The following ORC3 variants were observed in gnomAD, a reference collection of about 807,000 sequenced individuals.
ORC3 encodes origin recognition complex subunit 3, also known as homolog of latheo, Drosophila.
ORC3 carries 78 observed loss-of-function variants against 100.7 expected under a neutral mutation model. The ratio of observed to expected loss-of-function variants is 0.77; its 90% CI spans 0.65 to 0.94. ORC3 has a LOEUF of 0.94. ORC3 is among the 40% of genes least tolerant of loss of function. The probability of loss-of-function intolerance (pLI) is 0.00; values close to 1 mark genes in which losing one functional copy is unlikely to be tolerated. For missense variants in ORC3, 789 were observed against 823.9 expected (o/e 0.96, Z 0.52); for synonymous variants, 295 against 289.3 (o/e 1.02, Z -0.20).
Position 87,603,464 on chromosome 6 carries a change from G to T in ORC3, c.258G>T (p.Lys86Asn). 6.5e-7 allele frequency: 1 copy of T among 1,535,412 alleles called. No homozygotes were observed. The highest frequency in any genetic ancestry group is 8.9e-7 in the Non-Finnish European group (1 of 1,124,818). The change falls in exon 4 of 20, where the codon AAG (lysine) becomes AAT (asparagine). Residue 86 changes from lysine (K) to asparagine (N), a missense_variant. Around this residue, in one of 3 missense-constraint regions of ORC3, gnomAD observed 399 missense variants for 382.0 expected, o/e 1.04. Transcript: ENST00000392844. ...FLQKSHSGFQ[K>N]NSRDLGGQIK... Reference sequence around the variant, plus strand: ...AAAAATCACATTCTGGATTCCAGAAGAATTCAAGAGACTTGGGCGGTCAAA... The same window carrying T: ...AAAAATCACATTCTGGATTCCAGAATAATTCAAGAGACTTGGGCGGTCAAA...
At chr6:87,591,593 T>A (rs1776971144) in intron 1 of ORC3, among the ~76,000 whole-genome samples, 1 of 152,260 alleles carries the variant, frequency 6.6e-6, no homozygotes. Context: ...TATTTTTATG[T>A]ATCTTGCAGA....
intron 13 of ORC3, among the ~76,000 whole-genome samples, chr6:87,641,178 A>G (rs1234315400): frequency 1.3e-5 from 2 of 151,956 alleles, no homozygotes; most frequent in African/African-American, 2.4e-5. Context: ...AGAGTACTAC[A>G]CTCTCATACC....
chr6:87,661,943 T>C (rs992299619), intron 16 of ORC3, among the ~76,000 whole-genome samples: 1 of 152,124 alleles, frequency 6.6e-6, no homozygotes, highest in Admixed American at 6.6e-5. Flanking sequence ...AAAGCAAATT[T>C]TTAATGCCAT....
intron 13 of ORC3, among the ~76,000 whole-genome samples, chr6:87,641,629 G>A (rs1259335318): frequency 2.0e-5 from 3 of 152,130 alleles, no homozygotes; most frequent in African/African-American, 7.2e-5. Flanking sequence ...CAAATCGAAG[G>A]TGATTGATAG....
intron 2 of ORC3, among the ~76,000 whole-genome samples, 174 bp from the exon 3 acceptor site, chr6:87,601,610 C>T (rs368411577): frequency 1.4e-3 from 211 of 151,838 alleles, no homozygotes; most frequent in African/African-American, 4.7e-3. Flanking sequence ...AGGCGGAGAT[C>T]GCACTGAGCC....
At chr6:87,609,521 T>A in intron 7 of ORC3, 1 of 220,228 alleles carries the variant, frequency 4.5e-6, no homozygotes, top group Non-Finnish European at 8.8e-6. Context: ...ATTAAATAGA[T>A]AAACTACTCC....
At chr6:87,644,255 G>C (rs1768556542) in intron 13 of ORC3, among the ~76,000 whole-genome samples, 1 of 150,266 alleles carries the variant, frequency 6.7e-6, no homozygotes, top group African/African-American at 2.4e-5. Flanking sequence ...ACTACGCCCG[G>C]CTAATTTTTT....
At chr6:87,611,995 G>A (rs1778805545) in intron 7 of ORC3, 94 bp from the exon 8 acceptor site, 2 of 1,140,592 alleles carry the variant, frequency 1.8e-6, no homozygotes, top group Admixed American at 2.1e-5. Context: ...TATAAAGTAA[G>A]CATTAAAATA....
At chr6:87,634,060 G>C (rs1313116103) in intron 11 of ORC3, among the ~76,000 whole-genome samples, 1 of 151,890 alleles carries the variant, frequency 6.6e-6, no homozygotes, top group African/African-American at 2.4e-5. Context: ...TGCTCACCCA[G>C]GTCTTAAACT....
At chr6:87,600,242 A>G (rs754506907) in intron 2 of ORC3, among the ~76,000 whole-genome samples, 4 of 152,102 alleles carry the variant, frequency 2.6e-5, no homozygotes, top group Non-Finnish European at 4.4e-5. Flanking sequence ...TAACGTGAAC[A>G]CTCCAGTTGT....
chr6:87,600,266 G>C (rs537537222), intron 2 of ORC3, among the ~76,000 whole-genome samples: 1 of 152,050 alleles, frequency 6.6e-6, no homozygotes, highest in Non-Finnish European at 1.5e-5. Flanking sequence ...AATAAAATAC[G>C]TAGCAGTAAA....
At position 87,643,751 on chromosome 6, in the gene ORC3, G is replaced by GACA. The variant is rs1025152255; in HGVS notation, c.1382+7266_1382+7267insCAA. Among the ~76,000 whole-genome samples the GACA allele has an allele frequency of 5.9e-5, 9 of 152,194 alleles. No homozygotes were observed. In the South Asian group the frequency reaches 1.9e-3, roughly 32 times the overall value. On this transcript the variant is annotated intron_variant, in intron 13 of 19. Transcript: ENST00000392844. Reference sequence around the variant, plus strand: ...GACAACTCTTTTCTTTCTTTCTTGTGAACTCAGGGTTATACAGTCATCCAT... The same window carrying GACA: ...GACAACTCTTTTCTTTCTTTCTTGTGACAAACTCAGGGTTATACAGTCATCCAT...
intron 2 of ORC3, among the ~76,000 whole-genome samples, chr6:87,600,107 A>C (rs1042160465): frequency 6.6e-6 from 1 of 152,246 alleles, no homozygotes; most frequent in Admixed American, 6.5e-5. Flanking sequence ...ATTAAAAATC[A>C]ATAGTTGCTA....
At chr6:87,669,572 A>G (rs899977755), downstream of ORC3, among the ~76,000 whole-genome samples, 3 of 152,248 alleles carry the variant, frequency 2.0e-5, no homozygotes, top group African/African-American at 7.2e-5. Context: ...AGGGTCTTTG[A>G]GTGAGGGTGT....
Position 87,590,209 on chromosome 6 carries a change from G to A in ORC3, c.24+17G>A. On this transcript the variant is annotated intron_variant, in intron 1 of 19. Coordinates refer to ENST00000392844, the MANE Select transcript of ORC3 (RefSeq NM_012381.4). The stretch of plus-strand genomic sequence containing the variant: ...ATGTCTAAGGTATGTGGTGGCCGAT[G>A]CGCACTGTGGCTCTACCGCTGCCTC... The A allele has an allele frequency of 6.2e-7, 1 of 1,612,724 alleles. No individual in the cohort carries two copies.
At chr6:87,676,067 G>T in the ORC3 span, 1 of 658,572 alleles carries the variant, frequency 1.5e-6, no homozygotes, top group Non-Finnish European at 2.5e-6. Flanking sequence ...TACTAATAGT[G>T]TATCAAATAA....
In ORC3 at chr6:87,665,795, A is replaced by G. The variant is rs1770548359; in HGVS notation, c.1992A>G (p.Ala664=). ...TGACAGCTGCTGAAAAAATGGATGC[A>G]AATTCTGCAACCTCAGAAGAAATGA... is the stretch of plus-strand genomic sequence containing the variant. ...TVVTAAEKMD[A]NSATSEEMNE... Residue 664 remains alanine, a synonymous_variant, in exon 19 of 20, where the codon GCA becomes GCG. Transcript: ENST00000392844. The G allele has an allele frequency of 1.2e-6, 2 of 1,612,286 alleles. No homozygotes were observed. The highest frequency in any genetic ancestry group is 3.3e-5 in the Admixed American group (2 of 59,988).
At chr6:87,627,034 G>C (rs1779953286) in intron 11 of ORC3, among the ~76,000 whole-genome samples, 1 of 150,948 alleles carries the variant, frequency 6.6e-6, no homozygotes, top group South Asian at 2.1e-4. Flanking sequence ...TTTTGTTCTT[G>C]TTGCCCAGGG....
rs553185020 is a variant in ORC3 at position 87,660,996 on chromosome 6, G to T, written c.1692-2007G>T. On this transcript the variant is annotated intron_variant, in intron 16 of 19. Coordinates refer to ENST00000392844, the MANE Select transcript of ORC3 (RefSeq NM_012381.4). ...ATTTTTGCTCTGATGGTTCTTTGAG[G>T]ATATCTAGAGAGGTCTTTTGCCTTG... Among the ~76,000 whole-genome samples the T allele has an allele frequency of 2.0e-5, 3 of 152,316 alleles. No homozygotes were observed. The South Asian group carries it at 6.2e-4, about 32-fold the overall frequency.
Sources: gnomAD v4.1 joint callset for allele counts (sites outside exome capture counted in the v4.1 genomes callset) on GRCh38, gnomAD v4.1.1 for gene constraint, gnomAD v4.1.1 regional missense constraint, MANE v1.5 for transcripts, NCBI Gene and HGNC (gene_info 2026-07-23, HGNC 2026-07-21) for gene names.